The following SYN3 variants were observed in gnomAD, a reference collection of about 807,000 sequenced individuals.
SYN3 encodes the protein synapsin-3.
In SYN3, 35 loss-of-function variants were observed where a neutral mutation model predicts 65.8. The observed-to-expected ratio is 0.53, with a 90% CI of 0.41 to 0.70. The LOEUF is 0.70. Ranked by LOEUF, SYN3 falls within the 30% of genes least tolerant of loss-of-function variation. The pLI, the probability that SYN3 is intolerant of heterozygous loss-of-function variation, is 0.00. For missense variants in SYN3, 680 were observed against 749.0 expected (o/e 0.91, Z 1.08); for synonymous variants, 270 against 292.9 (o/e 0.92, Z 0.80).
chr22:32,949,292 C>T (rs1399921358), intron 3 of SYN3, among the ~76,000 whole-genome samples: 2 of 151,904 alleles, frequency 1.3e-5, no homozygotes, highest in East Asian at 3.9e-4. Context: ...CCTGTAGACC[C>T]AGTTACCAGC....
intron 12 of SYN3, among the ~76,000 whole-genome samples, chr22:32,526,606 C>T (rs1454839202): frequency 1.3e-5 from 2 of 152,126 alleles, no homozygotes; most frequent in African/African-American, 4.8e-5. Context: ...ACCTCCGCCT[C>T]CTGGGTTCAA....
intron 4 of SYN3, among the ~76,000 whole-genome samples, chr22:32,870,063 AAC>A (rs1306512951): frequency 6.6e-6 from 1 of 152,184 alleles, no homozygotes; most frequent in East Asian, 1.9e-4. Context: ...ATTTTTAAGT[AAC>A]ACAAAAAAAT....
chr22:32,853,289 T>C (rs1346188087), intron 6 of SYN3, among the ~76,000 whole-genome samples: 1 of 152,194 alleles, frequency 6.6e-6, no homozygotes, highest in Non-Finnish European at 1.5e-5. Context: ...AATTGCTGTA[T>C]AGAGAAAGAT....
chr22:32,976,614 C>A (rs1398737534), intron 3 of SYN3, among the ~76,000 whole-genome samples: 1 of 152,120 alleles, frequency 6.6e-6, no homozygotes, highest in African/African-American at 2.4e-5. Context: ...ACCATCCTGG[C>A]CTGATCCTCT....
rs376346181 is a variant in SYN3 at position 32,902,632 on chromosome 22, C to A, written c.461+28758G>T. On this transcript the variant is annotated intron_variant, in intron 4 of 13. Transcript: ENST00000358763. ...AGCTGTTCACTCCAAAGCATTCACA[C>A]CAGCTTCTGAGAATAGAGGCTTTTA... is the stretch of plus-strand genomic sequence containing the variant. Among the ~76,000 whole-genome samples, 8 of 152,250 alleles carry A rather than the reference C, an allele frequency of 5.3e-5. No homozygotes were observed. The East Asian group carries it at 1.2e-3, about 22-fold the overall frequency.
chr22:32,958,105 T>G (rs2051524335), intron 3 of SYN3, among the ~76,000 whole-genome samples: 1 of 152,236 alleles, frequency 6.6e-6, no homozygotes, highest in African/African-American at 2.4e-5. Flanking sequence ...CAACTCACAA[T>G]GACATTCACA....
chr22:32,517,186 G>A (rs1448106439), intron 13 of SYN3, among the ~76,000 whole-genome samples: 2 of 152,184 alleles, frequency 1.3e-5, no homozygotes, highest in Non-Finnish European at 2.9e-5. Context: ...CTTGAATGTG[G>A]GTTTGGCCCT....
intron 6 of SYN3, among the ~76,000 whole-genome samples, chr22:32,686,658 A>T (rs2060593490): frequency 3.1e-5 from 1 of 32,334 alleles, no homozygotes; most frequent in Non-Finnish European, 5.9e-5. Context: ...GTGCAGTGGC[A>T]TGATCTCGGC....
At chr22:32,968,087 G>T (rs1327447881) in intron 3 of SYN3, among the ~76,000 whole-genome samples, 1 of 152,166 alleles carries the variant, frequency 6.6e-6, no homozygotes, top group East Asian at 1.9e-4. Context: ...GAGGAGGTTG[G>T]CAATGGCTCG....
chr22:33,040,434 T>C (rs537323248), intron 1 of SYN3, among the ~76,000 whole-genome samples: 23 of 152,320 alleles, frequency 1.5e-4, no homozygotes, highest in Non-Finnish European at 2.6e-4. Flanking sequence ...AGCAAAACTA[T>C]GCATCCACTG....
intron 6 of SYN3, among the ~76,000 whole-genome samples, chr22:32,851,820 G>A (rs925473089): frequency 6.6e-6 from 1 of 152,082 alleles, no homozygotes; most frequent in Non-Finnish European, 1.5e-5. Flanking sequence ...AGGGTATCAT[G>A]ATCCATAGAA....
intron 6 of SYN3, among the ~76,000 whole-genome samples, chr22:32,863,752 G>A (rs1025346032): frequency 2.0e-5 from 3 of 152,114 alleles, no homozygotes; most frequent in Non-Finnish European, 2.9e-5. Flanking sequence ...AATCATCCAC[G>A]GTTTTTACCT....
At chr22:32,809,462 C>A (rs2046853614) in intron 6 of SYN3, among the ~76,000 whole-genome samples, 1 of 152,094 alleles carries the variant, frequency 6.6e-6, no homozygotes, top group South Asian at 2.1e-4. Context: ...CCTAACATAA[C>A]CAAGCCTTAC....
At chr22:32,852,373 T>C (rs1166340339) in intron 6 of SYN3, among the ~76,000 whole-genome samples, 1 of 152,166 alleles carries the variant, frequency 6.6e-6, no homozygotes, top group South Asian at 2.1e-4. Context: ...TTTGGGTTTG[T>C]TGGTTTATCA....
chr22:32,928,490 T>A (rs563290503), intron 4 of SYN3, among the ~76,000 whole-genome samples: 24 of 152,334 alleles, frequency 1.6e-4, no homozygotes, highest in Non-Finnish European at 3.1e-4. Context: ...GTGTTGAAGA[T>A]CTCATGCAAT....
chr22:32,623,895 G>A (rs896283028), intron 6 of SYN3, among the ~76,000 whole-genome samples: 1 of 152,140 alleles, frequency 6.6e-6, no homozygotes, highest in Admixed American at 6.5e-5. Context: ...GGGTTCTGAC[G>A]GGAATCGAGG....
intron 3 of SYN3, among the ~76,000 whole-genome samples, chr22:32,950,423 T>C (rs1312809190): frequency 6.6e-6 from 1 of 152,206 alleles, no homozygotes; most frequent in African/African-American, 2.4e-5. Flanking sequence ...TACGTGTCTG[T>C]TGATCTGGGT....
intron 4 of SYN3, among the ~76,000 whole-genome samples, chr22:32,871,534 T>C (rs541067238): frequency 5.3e-5 from 8 of 152,302 alleles, no homozygotes; most frequent in African/African-American, 1.9e-4. Context: ...TGACAAGAGA[T>C]CCCTAGTGCC....
At chr22:33,026,856 C>T (rs1396183580) in intron 1 of SYN3, among the ~76,000 whole-genome samples, 4 of 152,208 alleles carry the variant, frequency 2.6e-5, no homozygotes, top group African/African-American at 4.8e-5. Context: ...GTTGAGAAAA[C>T]GTGGCGACTG....
Sources: gnomAD v4.1 joint callset for allele counts (sites outside exome capture counted in the v4.1 genomes callset) on GRCh38, gnomAD v4.1.1 for gene constraint, MANE v1.5 for transcripts, NCBI Gene and HGNC (gene_info 2026-07-23, HGNC 2026-07-21) for gene names.